Variants in MRPS6 observed in about 807,000 individuals in gnomAD.
MRPS6 encodes the protein mitochondrial ribosomal protein S6.
MRPS6 carries 6 observed loss-of-function variants against 13.1 expected under a neutral mutation model. The observed-to-expected ratio is 0.46, with a 90% CI of 0.25 to 0.91. The LOEUF is 0.91. Among genes scored for constraint, MRPS6 ranks in the 40% least tolerant of loss-of-function variants. The pLI is 0.18. For synonymous variants in MRPS6, 61 were observed against 56.5 expected, an observed-to-expected ratio of 1.08 and a Z score of -0.36; for missense variants, 164 against 155.6, an observed-to-expected ratio of 1.05 and a Z score of -0.29.
At chr21:34,117,142 GTGTT>G (rs1979951602) in intron 1 of MRPS6, among the ~76,000 whole-genome samples, 1 of 152,154 alleles carries the variant, frequency 6.6e-6, no homozygotes, top group African/African-American at 2.4e-5. Context: ...GTGTAGGTGA[GTGTT>G]TGAAGAAACT....
intron 2 of MRPS6, among the ~76,000 whole-genome samples, chr21:34,138,517 G>A (rs1471387769): frequency 6.6e-6 from 1 of 152,012 alleles, no homozygotes; most frequent in East Asian, 1.9e-4. Flanking sequence ...CCATCAAAAA[G>A]TGGGCAAAGG....
chr21:34,112,377 A>G (rs148777787), intron 1 of MRPS6, among the ~76,000 whole-genome samples: 19 of 152,186 alleles, frequency 1.2e-4, no homozygotes, highest in East Asian at 5.8e-4. Context: ...AGCGATACCT[A>G]TGGGGTTACA....
intron 2 of MRPS6, among the ~76,000 whole-genome samples, chr21:34,126,196 C>T (rs1448201270): frequency 1.3e-5 from 2 of 152,196 alleles, no homozygotes; most frequent in Non-Finnish European, 2.9e-5. Flanking sequence ...TCTGTGGCCT[C>T]CCCTTCTGTT....
At chr21:34,126,632 G>T (rs570110000) in intron 2 of MRPS6, among the ~76,000 whole-genome samples, 1 of 152,236 alleles carries the variant, frequency 6.6e-6, no homozygotes, top group Non-Finnish European at 1.5e-5. Context: ...TCACAAATGG[G>T]TGTGGTTTTA....
chr21:34,102,075 A>T (rs1220119111), intron 1 of MRPS6: 1 of 999,972 alleles, frequency 1.0e-6, no homozygotes, highest in African/African-American at 1.7e-5. Context: ...CGATTGCTAG[A>T]CTTGGTTAAC....
intron 2 of MRPS6, chr21:34,135,427 GA>G: frequency 2.2e-6 from 1 of 448,602 alleles, no homozygotes. Context: ...CATCAGCTGG[GA>G]AAATCAGCGG....
rs560767215 is a variant in MRPS6 at position 34,073,657 on chromosome 21, G to A, written c.-44G>A. The A allele has an allele frequency of 2.7e-6, 4 of 1,508,206 alleles. No individual in the cohort carries two copies. In the African/African-American group the frequency reaches 4.4e-5, roughly 16 times the overall value. 93.4% of individuals were successfully genotyped at this position (1,508,206 alleles called of 1,614,324 possible). A position where few individuals can be genotyped will look rare whatever the true frequency, so the allele number is the denominator to read the frequency against. On this transcript the variant is annotated 5_prime_UTR_variant, in exon 1 of 3. Transcript: ENST00000399312. ...CCGCCGTCCCGCCCCTTCGCGTCCC[G>A]GGAACCGGCTGGCTTCCGAGCCGCA...
At chr21:34,100,429 T>C in intron 1 of MRPS6, 1 of 1,000,242 alleles carries the variant, frequency 1.0e-6, no homozygotes, top group African/African-American at 1.7e-5. Context: ...CTGGGGGTAA[T>C]TATGCTTTGT....
chr21:34,088,254 T>A (rs1057396913), intron 1 of MRPS6, among the ~76,000 whole-genome samples: 1 of 152,086 alleles, frequency 6.6e-6, no homozygotes, highest in African/African-American at 2.4e-5. Context: ...AGACTTACTA[T>A]TTTTCCCCTT....
intron 2 of MRPS6, among the ~76,000 whole-genome samples, chr21:34,126,382 G>A (rs1311677972): frequency 6.6e-6 from 1 of 152,230 alleles, no homozygotes; most frequent in Non-Finnish European, 1.5e-5. Flanking sequence ...GTGGAGTCGC[G>A]TCTCACATCG....
intron 2 of MRPS6, among the ~76,000 whole-genome samples, chr21:34,141,804 C>T (rs959832025): frequency 2.0e-5 from 3 of 152,136 alleles, no homozygotes; most frequent in South Asian, 2.1e-4. Context: ...GCGGGATGCC[C>T]GTCGACATTA....
intron 1 of MRPS6, chr21:34,101,912 T>C: frequency 1.0e-6 from 1 of 1,000,168 alleles, no homozygotes. Flanking sequence ...TGAGCCCCTT[T>C]GAAATGATGG....
chr21:34,122,678 G>T (rs932854483), intron 1 of MRPS6: 1 of 151,706 alleles, frequency 6.6e-6, no homozygotes. Flanking sequence ...ATTTATTTGG[G>T]TAGCTAATCA....
chr21:34,098,021 T>G, intron 1 of MRPS6: 10 of 999,546 alleles, frequency 1.0e-5, no homozygotes, highest in Non-Finnish European at 1.2e-5. Context: ...CTTTCAAGTT[T>G]AAGTGAACCA....
intron 2 of MRPS6, among the ~76,000 whole-genome samples, chr21:34,140,312 C>T (rs1980866175): frequency 6.6e-6 from 1 of 151,890 alleles, no homozygotes; most frequent in Non-Finnish European, 1.5e-5. Flanking sequence ...TGATTTGTAG[C>T]ATTTTCTTTT....
chr21:34,098,536 A>G, intron 1 of MRPS6: 1 of 1,000,260 alleles, frequency 1.0e-6, no homozygotes, highest in Non-Finnish European at 1.2e-6. Flanking sequence ...TTAGAGCATA[A>G]GGATGTTTCA....
In MRPS6 at chr21:34,074,471, C is replaced by T. The variant is rs371340752; in HGVS notation, c.45+726C>T. Among the ~76,000 whole-genome samples the T allele has an allele frequency of 2.2e-4, 34 of 152,312 alleles. 1 individual carries two copies. In the South Asian group the frequency reaches 6.6e-3, roughly 30 times the overall value. On this transcript the variant is annotated intron_variant, in intron 1 of 2. Transcript: ENST00000399312. The stretch of plus-strand genomic sequence containing the variant: ...TTTCTTCCCCCTGCTTTTGATTGAT[C>T]TTGAGGTAGGGGATTTCAGGTTTGG...
chr21:34,136,514 T>G (rs1373127039), intron 2 of MRPS6, among the ~76,000 whole-genome samples: 1 of 152,208 alleles, frequency 6.6e-6, no homozygotes, highest in Admixed American at 6.5e-5. Flanking sequence ...TTATGGCACT[T>G]TAGTAGGTAT....
chr21:34,079,602 ATTTTTTTTTTTTTTTTTTTT>A (rs398036389), intron 1 of MRPS6, among the ~76,000 whole-genome samples: 1 of 43,660 alleles, frequency 2.3e-5, no homozygotes, highest in Non-Finnish European at 4.3e-5. Flanking sequence ...GACCCAGCTA[ATTTTTTTTTTTTTTTTTTTT>A]TTTTTTTTTT....
Sources: gnomAD v4.1 joint callset for allele counts (sites outside exome capture counted in the v4.1 genomes callset) on GRCh38, gnomAD v4.1.1 for gene constraint, MANE v1.5 for transcripts, NCBI Gene and HGNC (gene_info 2026-07-23, HGNC 2026-07-21) for gene names.